Variants in ELL2 observed in about 807,000 individuals in gnomAD.
The protein encoded by ELL2 is elongation factor for RNA polymerase II 2.
A neutral mutation model predicts 72.8 loss-of-function variants in ELL2; 21 were observed. The observed-to-expected ratio is 0.29, with a 90% confidence interval of 0.20 to 0.42. ELL2 has a LOEUF of 0.42. Ranked by LOEUF, ELL2 falls within the 10% of genes least tolerant of loss-of-function variation. The pLI is 1.00. For synonymous variants in ELL2, 266 were observed against 283.2 expected, an observed-to-expected ratio of 0.94 and a Z score of 0.61; for missense variants, 568 against 772.8, an observed-to-expected ratio of 0.73 and a Z score of 3.14.
chr5:95,908,581 GCAGGAA>G (rs1338633184), intron 4 of ELL2, among the ~76,000 whole-genome samples: 1 of 152,162 alleles, frequency 6.6e-6, no homozygotes, highest in Non-Finnish European at 1.5e-5. Context: ...AAGCAGAGGA[GCAGGAA>G]TCAACACAGT....
chr5:95,957,927 G>A (rs755067938), intron 1 of ELL2, among the ~76,000 whole-genome samples: 10 of 152,060 alleles, frequency 6.6e-5, no homozygotes, highest in Non-Finnish European at 1.3e-4. Context: ...GAAGCCTTAC[G>A]TCAAAGTGGG....
intron 1 of ELL2, among the ~76,000 whole-genome samples, chr5:95,947,150 T>G (rs1561513519): frequency 6.6e-6 from 1 of 152,098 alleles, no homozygotes; most frequent in African/African-American, 2.4e-5. Flanking sequence ...ATTGTTATGA[T>G]ACAGGAGTCT....
intron 10 of ELL2, 77 bp from the exon 11 acceptor site, chr5:95,889,207 C>A: frequency 8.8e-7 from 1 of 1,134,640 alleles, no homozygotes; most frequent in Non-Finnish European, 1.3e-6. Context: ...AACATGCATT[C>A]AGCAAGAGTA....
At chr5:95,929,378 C>G (rs1750514242) in intron 2 of ELL2, among the ~76,000 whole-genome samples, 3 of 151,948 alleles carry the variant, frequency 2.0e-5, no homozygotes. Flanking sequence ...CCTGCCTCAG[C>G]CTCCCGAGTA....
At chr5:95,889,862 A>G (rs1408399559) in intron 10 of ELL2, among the ~76,000 whole-genome samples, 1 of 139,402 alleles carries the variant, frequency 7.2e-6, no homozygotes, top group Non-Finnish European at 1.6e-5. Context: ...GAAACCAGTA[A>G]CAGTGATTTT....
chr5:95,936,381 T>C (rs568115930), intron 2 of ELL2, among the ~76,000 whole-genome samples: 2 of 152,304 alleles, frequency 1.3e-5, no homozygotes, highest in South Asian at 2.1e-4. Flanking sequence ...ATCCTAAGAA[T>C]ATCTGGGGGA....
chr5:95,906,749 G>A lies in ELL2; in HGVS notation c.515C>T (p.Ala172Val). Residue 172 changes from alanine to valine, a missense_variant, in exon 5 of 12, where the codon GCT becomes GTT. Physicochemically the swap from Ala to Val is moderately conservative, Grantham distance 64 (BLOSUM62 0). Around this residue, in one of 2 missense-constraint regions of ELL2, gnomAD observed 511 missense variants for 728.4 expected, o/e 0.70. Transcript: ENST00000237853. Reference sequence around the variant, plus strand: ...CCTCTCAGGAACTGTATCTGAAACAGCTTGAGGTGCTTTCCGAATTTGCAC... The same window carrying A: ...CCTCTCAGGAACTGTATCTGAAACAACTTGAGGTGCTTTCCGAATTTGCAC... ...KRVQIRKAPQ[A>V]VSDTVPERKR... is the part of the protein sequence containing the mutation. 6.2e-7 allele frequency: 1 copy of A among 1,612,764 alleles called. No homozygotes were observed. Among genetic ancestry groups the A allele is most frequent in the East Asian group, 2.2e-5 (1 of 44,832 alleles).
chr5:95,919,887 C>G (rs558050835), intron 2 of ELL2, among the ~76,000 whole-genome samples: 2 of 152,260 alleles, frequency 1.3e-5, no homozygotes, highest in African/African-American at 4.8e-5. Context: ...AAAGCTCTTC[C>G]TCTTTTGAGC....
rs958658564 is a variant in ELL2, at chr5:95,887,052, G to A, written c.*1819C>T. The A allele has an allele frequency of 9.9e-5, 15 of 151,988 alleles. No homozygotes were observed. Among genetic ancestry groups the A allele is most frequent in the African/African-American group, 3.6e-4 (15 of 41,374 alleles). The allele number at this position is 151,988 out of a possible 1,614,324, so 9.4% of individuals were successfully genotyped here. ...TCCCTTTCCTTTTTTCAATTAAAAA[G>A]TTTGAAATAAATTAACGTTTAATAA... On this transcript the variant is annotated 3_prime_UTR_variant, in exon 12 of 12. Coordinates refer to ENST00000237853, the MANE Select transcript of ELL2 (RefSeq NM_012081.6).
At position 95,885,131 on chromosome 5, in the gene ELL2, GGT is replaced by G. The variant is rs1311057693; in HGVS notation, c.*3738_*3739del. ...TTAACATTTTTATTGAACTGAAATTGGTGTAGAACAGGGGCAACCACAGCTGC... is the reference window on the plus strand; with the variant it reads ...TTAACATTTTTATTGAACTGAAATTGGTAGAACAGGGGCAACCACAGCTGC... On this transcript the variant is annotated 3_prime_UTR_variant, in exon 12 of 12. Coordinates refer to ENST00000237853, the MANE Select transcript of ELL2 (RefSeq NM_012081.6). 6.6e-6 allele frequency: 1 copy of G among 152,162 alleles called. No individual in the cohort carries two copies. Among genetic ancestry groups the G allele is most frequent in the Non-Finnish European group, 1.5e-5 (1 of 68,024 alleles). The allele number at this position is 152,162 out of a possible 1,614,324, so 9.4% of individuals were successfully genotyped here. A position where few individuals can be genotyped will look rare whatever the true frequency, so the allele number is the denominator to read the frequency against.
rs1748494501 is a variant in ELL2, at chr5:95,887,237, T to C, written c.*1634A>G. ...GACTTGTTTCAGTCTTTGTATAGTCTGTATACTTCTGTATACATTTAGTAT... is the reference window on the plus strand; with the variant it reads ...GACTTGTTTCAGTCTTTGTATAGTCCGTATACTTCTGTATACATTTAGTAT... On this transcript the variant is annotated 3_prime_UTR_variant, in exon 12 of 12. Transcript: ENST00000237853. 6.6e-6 allele frequency: 1 copy of C among 152,266 alleles called. No individual in the cohort carries two copies. Among genetic ancestry groups the C allele is most frequent in the East Asian group, 1.9e-4 (1 of 5,202 alleles). 9.4% of individuals were successfully genotyped at this position (152,266 alleles called of 1,614,324 possible). A position where few individuals can be genotyped will look rare whatever the true frequency, so the allele number is the denominator to read the frequency against.
At position 95,888,937 on chromosome 5, in the gene ELL2, G is replaced by A. The variant is rs772003479; in HGVS notation, c.1857C>T (p.Asn619=). The stretch of plus-strand genomic sequence containing the variant: ...TTAGCCTTTTGATGTGAGCCAGCTT[G>A]TTATGAAGATATTCACATCTGTATT... The part of the protein sequence containing the change: ...EEKYRCEYLH[N]KLAHIKRLIG... The change falls in exon 12 of 12, where the codon AAC becomes AAT. Residue 619 remains asparagine (N), a synonymous_variant. Transcript: ENST00000237853. 10 of 1,596,326 alleles carry A rather than the reference G, an allele frequency of 6.3e-6. No homozygotes were observed. Among genetic ancestry groups the A allele is most frequent in the East Asian group, 2.3e-5 (1 of 43,322 alleles).
chr5:95,929,032 A>T (rs932794527), intron 2 of ELL2, among the ~76,000 whole-genome samples: 1 of 152,080 alleles, frequency 6.6e-6, no homozygotes, highest in Non-Finnish European at 1.5e-5. Flanking sequence ...GCCTTAGCTC[A>T]TGCTAACTTA....
intron 11 of ELL2, 45 bp downstream of exon 11, chr5:95,889,041 C>T (rs767267861): frequency 1.1e-5 from 17 of 1,509,134 alleles, no homozygotes; most frequent in African/African-American, 5.8e-5. Context: ...GAATTTACAA[C>T]ATTTTTCAAC....
chr5:95,915,763 A>G (rs1366121070), intron 3 of ELL2, among the ~76,000 whole-genome samples: 1 of 152,178 alleles, frequency 6.6e-6, no homozygotes, highest in East Asian at 1.9e-4. Context: ...GAGGACAACT[A>G]ATCTGTGCAG....
At chr5:95,931,939 C>T (rs558188819) in intron 2 of ELL2, among the ~76,000 whole-genome samples, 10 of 149,178 alleles carry the variant, frequency 6.7e-5, no homozygotes, top group Non-Finnish European at 1.5e-4. Flanking sequence ...AGCATTCAAT[C>T]TTCATAAATA....
rs748362880 is a variant in ELL2, at chr5:95,898,594, T to C, written c.1171A>G (p.Ile391Val). Reference protein sequence around the residue: ...TYLPISHPPQIVNSNSNSPST... With the variant: ...TYLPISHPPQVVNSNSNSPST... The stretch of plus-strand genomic sequence containing the variant: ...GGGGAGTTGGAGTTAGAATTTACAA[T>C]CTGAGGAGGATGTGAGATGGGCAGA... The change falls in exon 8 of 12, where the codon ATT (isoleucine) becomes GTT (valine). Residue 391 changes from isoleucine to valine, a missense_variant. This residue lies in a region of ELL2 where 511 missense variants were observed against 728.4 expected (regional missense o/e 0.70). Coordinates refer to ENST00000237853, the MANE Select transcript of ELL2 (RefSeq NM_012081.6). 2 of 1,613,652 alleles carry C rather than the reference T, an allele frequency of 1.2e-6. No homozygotes were observed. The highest frequency in any genetic ancestry group is 1.7e-6 in the Non-Finnish European group (2 of 1,179,890).
intron 2 of ELL2, among the ~76,000 whole-genome samples, chr5:95,940,078 G>A (rs972648436): frequency 2.0e-5 from 3 of 152,202 alleles, no homozygotes; most frequent in African/African-American, 7.2e-5. Context: ...GTTTAGAAAT[G>A]AGAATCAACT....
chr5:95,942,477 C>T (rs1237155874), intron 2 of ELL2, among the ~76,000 whole-genome samples: 1 of 152,082 alleles, frequency 6.6e-6, no homozygotes, highest in Non-Finnish European at 1.5e-5. Flanking sequence ...TTTTATTAGG[C>T]ATTATCATTT....
Sources: allele counts gnomAD v4.1 joint callset (sites outside exome capture counted in the v4.1 genomes callset), GRCh38; gene constraint gnomAD v4.1.1; regional missense constraint gnomAD v4.1.1; transcripts MANE v1.5; gene names NCBI Gene and HGNC (gene_info 2026-07-23, HGNC 2026-07-21).